GALNT13: variants seen among roughly 807,000 people sequenced by gnomAD.
GALNT13 encodes the protein polypeptide N-acetylgalactosaminyltransferase 13, also known as UDP-GalNAc:polypeptide N-acetylgalactosaminyltransferase 13.
GALNT13 carries 28 observed loss-of-function variants against 64.2 expected under a neutral mutation model. The observed-to-expected ratio is 0.44, with a 90% CI of 0.32 to 0.60. GALNT13 has a LOEUF of 0.60. Ranked by LOEUF, GALNT13 falls within the 20% of genes least tolerant of loss-of-function variation. GALNT13 has a pLI of 0.05. For synonymous variants in GALNT13, 214 were observed against 224.6 expected (o/e 0.95, Z 0.42); for missense variants, 577 against 669.8 (o/e 0.86, Z 1.53).
the GALNT13 span, among the ~76,000 whole-genome samples, chr2:153,693,878 G>T: frequency 6.6e-6 from 1 of 152,086 alleles, no homozygotes. Flanking sequence ...ACTTTGGGAG[G>T]CCGAGGTGGG....
chr2:154,307,164 A>G (rs1230689345), intron 9 of GALNT13, among the ~76,000 whole-genome samples: 2 of 152,136 alleles, frequency 1.3e-5, no homozygotes, highest in African/African-American at 4.8e-5. Flanking sequence ...TCCATAGGAA[A>G]AGAAAATTCC....
the GALNT13 span, among the ~76,000 whole-genome samples, chr2:153,246,822 T>A: frequency 6.6e-6 from 1 of 152,190 alleles, no homozygotes; most frequent in East Asian, 1.9e-4. Context: ...GCAAATGGGC[T>A]AAATACCTCA....
At chr2:153,200,218 T>C in the GALNT13 span, among the ~76,000 whole-genome samples, 2 of 152,154 alleles carry the variant, frequency 1.3e-5, no homozygotes, top group African/African-American at 4.8e-5. Context: ...CTGAAGACAA[T>C]CTAAGACTGA....
chr2:153,258,648 GT>G, the GALNT13 span, among the ~76,000 whole-genome samples: 1 of 151,344 alleles, frequency 6.6e-6, no homozygotes. Flanking sequence ...GATTTAATAT[GT>G]TTTTTTTCCA....
the GALNT13 span, among the ~76,000 whole-genome samples, chr2:153,174,689 C>G: frequency 6.6e-6 from 1 of 152,070 alleles, no homozygotes; most frequent in Non-Finnish European, 1.5e-5. Flanking sequence ...TATTTTCTAC[C>G]CAACAAAATA....
chr2:153,999,954 G>C (rs1695789714), intron 3 of GALNT13, among the ~76,000 whole-genome samples: 1 of 151,952 alleles, frequency 6.6e-6, no homozygotes, highest in Non-Finnish European at 1.5e-5. Flanking sequence ...TCCTGGGCTT[G>C]TCTTTGATAG....
the GALNT13 span, among the ~76,000 whole-genome samples, chr2:153,308,298 G>T: frequency 6.6e-6 from 1 of 152,258 alleles, no homozygotes; most frequent in Admixed American, 6.5e-5. Context: ...GGTTTCCAAA[G>T]AATTTAACCT....
chr2:153,693,085 C>T, the GALNT13 span, among the ~76,000 whole-genome samples: 1 of 152,074 alleles, frequency 6.6e-6, no homozygotes, highest in Non-Finnish European at 1.5e-5. Context: ...ATATTTAATC[C>T]AGCTTTGAGA....
chr2:154,266,316 G>T (rs992764399), intron 8 of GALNT13, among the ~76,000 whole-genome samples: 1 of 152,076 alleles, frequency 6.6e-6, no homozygotes, highest in East Asian at 1.9e-4. Context: ...CCATATTAGG[G>T]AGGAAAAATT....
chr2:153,921,515 T>C (rs1183574040), intron 2 of GALNT13, among the ~76,000 whole-genome samples: 1 of 152,140 alleles, frequency 6.6e-6, no homozygotes, highest in Non-Finnish European at 1.5e-5. Context: ...CATTGGGTAC[T>C]ATGTTTATTC....
At chr2:153,989,853 G>A (rs1013948792) in intron 3 of GALNT13, among the ~76,000 whole-genome samples, 1 of 151,742 alleles carries the variant, frequency 6.6e-6, no homozygotes, top group Non-Finnish European at 1.5e-5. Context: ...TGGTGTTTTG[G>A]GTATAGAAAA....
chr2:153,606,237 G>T, the GALNT13 span, among the ~76,000 whole-genome samples: 1 of 151,938 alleles, frequency 6.6e-6, no homozygotes, highest in African/African-American at 2.4e-5. Flanking sequence ...GTGTACATAC[G>T]TATATACACA....
chr2:153,862,349 T>A, the GALNT13 span, among the ~76,000 whole-genome samples: 2 of 75,208 alleles, frequency 2.7e-5, no homozygotes, highest in African/African-American at 4.1e-5. Context: ...CACTTAAATG[T>A]TTTCAATTCT....
At chr2:153,348,345 G>A in the GALNT13 span, among the ~76,000 whole-genome samples, 17 of 152,278 alleles carry the variant, frequency 1.1e-4, no homozygotes, top group Admixed American at 2.0e-4. Flanking sequence ...GTCACAAAGG[G>A]AGATGCAGGG....
At chr2:153,994,745 C>T (rs528368556) in intron 3 of GALNT13, among the ~76,000 whole-genome samples, 20 of 150,668 alleles carry the variant, frequency 1.3e-4, no homozygotes, top group Non-Finnish European at 2.8e-4. Flanking sequence ...ATATCCTTCG[C>T]CCACTTGTTG....
chr2:153,144,678 A>G, the GALNT13 span, among the ~76,000 whole-genome samples: 1 of 152,010 alleles, frequency 6.6e-6, no homozygotes, highest in South Asian at 2.1e-4. Context: ...ATACGAAACA[A>G]TCCTCTCCTA....
the GALNT13 span, among the ~76,000 whole-genome samples, chr2:153,154,512 G>A: frequency 2.3e-3 from 345 of 152,186 alleles, no homozygotes; most frequent in African/African-American, 7.7e-3. Flanking sequence ...TGTGGCAGTT[G>A]TGAATGGAAG....
chr2:154,091,276 A>G (rs993051191), intron 3 of GALNT13, among the ~76,000 whole-genome samples: 2 of 151,948 alleles, frequency 1.3e-5, no homozygotes, highest in African/African-American at 4.8e-5. Context: ...ATGTACTTGT[A>G]TAGCCATATA....
intron 4 of GALNT13, 73 bp downstream of exon 4, chr2:154,140,578 A>G: frequency 9.3e-7 from 1 of 1,072,080 alleles, no homozygotes; most frequent in Non-Finnish European, 1.4e-6. Context: ...ACTTGAGCTA[A>G]CTCAGATTAT....
Sources: allele counts gnomAD v4.1 joint callset (sites outside exome capture counted in the v4.1 genomes callset), GRCh38; gene constraint gnomAD v4.1.1; transcripts MANE v1.5; gene names NCBI Gene and HGNC (gene_info 2026-07-23, HGNC 2026-07-21).